FRMD4A: variants seen among roughly 807,000 people sequenced by gnomAD.
FRMD4A encodes the protein FERM domain containing 4A, also known as FERM domain-containing protein 4A.
In FRMD4A, 29 loss-of-function variants were observed where a neutral mutation model predicts 129.1. The ratio of observed to expected loss-of-function variants is 0.22; its 90% CI spans 0.17 to 0.31. The LOEUF is 0.31. Among genes scored for constraint, FRMD4A ranks in the 10% least tolerant of loss-of-function variants. The pLI, the probability that FRMD4A is intolerant of heterozygous loss-of-function variation, is 1.00. For synonymous variants in FRMD4A, 634 were observed against 571.6 expected (o/e 1.11, Z -1.56); for missense variants, 1,272 against 1,375.8 (o/e 0.92, Z 1.19).
At position 14,016,946 on chromosome 10, in the gene FRMD4A, G is replaced by A. The variant is rs7922430; in HGVS notation, c.46-158034C>T. Among the ~76,000 whole-genome samples, 44 of 152,326 alleles carry A rather than the reference G, an allele frequency of 2.9e-4. 1 individual carries two copies. The highest frequency in any genetic ancestry group is 1.3e-3 in the Admixed American group (20 of 15,306). On this transcript the variant is annotated intron_variant, in intron 2 of 24. Transcript: ENST00000357447. Reference sequence around the variant, plus strand: ...AGCATCCTTGCAGGCTGTTCAGCTCGTCATCCACAGACAGAGATCTTGCTC... The same window carrying A: ...AGCATCCTTGCAGGCTGTTCAGCTCATCATCCACAGACAGAGATCTTGCTC...
intron 15 of FRMD4A, 91 bp from the exon 16 acceptor site, chr10:13,675,135 A>G (rs753311140): frequency 8.3e-7 from 1 of 1,205,420 alleles, no homozygotes; most frequent in Non-Finnish European, 1.2e-6. Flanking sequence ...TGCTGCGGAG[A>G]TGGGATTTAC....
chr10:14,096,942 C>G (rs971621214), intron 2 of FRMD4A: 1 of 152,014 alleles, frequency 6.6e-6, no homozygotes, highest in Non-Finnish European at 1.5e-5. Flanking sequence ...CAAGACCAGC[C>G]TAGCCAACAT....
chr10:13,808,138 T>C (rs1281870156), intron 4 of FRMD4A, among the ~76,000 whole-genome samples: 1 of 152,240 alleles, frequency 6.6e-6, no homozygotes, highest in Non-Finnish European at 1.5e-5. Flanking sequence ...ATCATGCTGC[T>C]GGTAAGAGTA....
chr10:14,055,821 T>C (rs1204530939), intron 2 of FRMD4A, among the ~76,000 whole-genome samples: 4 of 152,268 alleles, frequency 2.6e-5, no homozygotes, highest in Non-Finnish European at 4.4e-5. Flanking sequence ...CATTTATCTT[T>C]AGTGTTATAA....
intron 3 of FRMD4A, among the ~76,000 whole-genome samples, chr10:13,846,330 A>G (rs1035185702): frequency 5.3e-5 from 8 of 152,198 alleles, no homozygotes; most frequent in Non-Finnish European, 1.2e-4. Flanking sequence ...GTGTTTGCTT[A>G]TTAGCATAAA....
At chr10:14,171,029 T>C (rs1841449953) in intron 2 of FRMD4A, among the ~76,000 whole-genome samples, 1 of 4,832 alleles carries the variant, frequency 2.1e-4, no homozygotes, top group Non-Finnish European at 3.4e-4. Flanking sequence ...TTTTTTTGTT[T>C]ATTTGTTTGT....
intron 4 of FRMD4A, among the ~76,000 whole-genome samples, chr10:13,800,508 C>A (rs1044360096): frequency 7.9e-5 from 12 of 152,220 alleles, no homozygotes; most frequent in African/African-American, 2.9e-4. Flanking sequence ...CTCTGGCCAC[C>A]AGCTCAAAGA....
In FRMD4A at chr10:13,706,400, C is replaced by T. The variant is rs999572439; in HGVS notation, c.836+637G>A. On this transcript the variant is annotated intron_variant, in intron 13 of 24. Coordinates refer to ENST00000357447, the MANE Select transcript of FRMD4A (RefSeq NM_018027.5). The stretch of plus-strand genomic sequence containing the variant: ...CTCCCTGCATTCCAACCTGGGGCCC[C>T]ACTGTCTTGCATCTGACTTAAGAGT... 3.9e-5 allele frequency among the ~76,000 whole-genome samples: 6 copies of T among 152,172 alleles called. No homozygotes were observed. The East Asian group carries it at 7.7e-4, about 20-fold the overall frequency.
chr10:13,737,388 C>A (rs77666569), intron 12 of FRMD4A, among the ~76,000 whole-genome samples: 7,676 of 152,308 alleles, frequency 0.05, 311 homozygotes, highest in South Asian at 0.11. Context: ...GCGTGCCCAG[C>A]CTTTCAGCTC....
At chr10:14,311,315 A>T (rs1846539494) in intron 2 of FRMD4A, among the ~76,000 whole-genome samples, 1 of 152,162 alleles carries the variant, frequency 6.6e-6, no homozygotes, top group Non-Finnish European at 1.5e-5. Flanking sequence ...TGTAGAACTG[A>T]CCAATTTAGA....
chr10:13,780,066 C>T (rs2092697465), intron 6 of FRMD4A, among the ~76,000 whole-genome samples: 1 of 152,150 alleles, frequency 6.6e-6, no homozygotes, highest in Non-Finnish European at 1.5e-5. Flanking sequence ...TGGCTCACAC[C>T]TGTAATCCCA....
intron 3 of FRMD4A, among the ~76,000 whole-genome samples, chr10:13,819,621 T>A (rs1024161762): frequency 6.6e-6 from 1 of 152,128 alleles, no homozygotes; most frequent in African/African-American, 2.4e-5. Flanking sequence ...CTGTGAGTAT[T>A]ACCTTTCATC....
At chr10:13,989,387 C>T (rs959038969) in intron 2 of FRMD4A, among the ~76,000 whole-genome samples, 3 of 152,106 alleles carry the variant, frequency 2.0e-5, no homozygotes, top group African/African-American at 4.8e-5. Flanking sequence ...GACGGCGCCT[C>T]GCTCTGTCGC....
intron 2 of FRMD4A, among the ~76,000 whole-genome samples, chr10:14,231,400 T>C (rs75217753): frequency 6.6e-6 from 1 of 151,540 alleles, no homozygotes; most frequent in Non-Finnish European, 1.5e-5. Context: ...TGGAGTGCAG[T>C]GGCATGACCT....
At chr10:14,195,197 A>G (rs990420061) in intron 2 of FRMD4A, among the ~76,000 whole-genome samples, 1 of 152,178 alleles carries the variant, frequency 6.6e-6, no homozygotes, top group Admixed American at 6.5e-5. Context: ...TAGATGTCCT[A>G]ATTCTTATTT....
intron 15 of FRMD4A, among the ~76,000 whole-genome samples, chr10:13,675,338 T>C (rs1042979984): frequency 2.0e-5 from 3 of 152,210 alleles, no homozygotes; most frequent in Non-Finnish European, 4.4e-5. Flanking sequence ...TACTAGCAAA[T>C]TCTAATAGAC....
At chr10:14,230,859 C>T (rs754273100) in intron 2 of FRMD4A, among the ~76,000 whole-genome samples, 1 of 152,134 alleles carries the variant, frequency 6.6e-6, no homozygotes, top group African/African-American at 2.4e-5. Context: ...GTTTGACTTC[C>T]CTTTATAAGT....
chr10:13,660,412 T>C lies in FRMD4A; in HGVS notation c.1802A>G (p.Tyr601Cys). Reference sequence around the variant, plus strand: ...TTTGGGCTTGATGGGTGACTTGTCATAGTCGTTGCGGTGATAGTGCATCTG... The same window carrying C: ...TTTGGGCTTGATGGGTGACTTGTCACAGTCGTTGCGGTGATAGTGCATCTG... ...LRQMHYHRND[Y>C]DKSPIKPKMW... The change falls in exon 20 of 25, where the codon TAT becomes TGT. Residue 601 changes from tyrosine to cysteine, a missense_variant. Transcript: ENST00000357447. 3.7e-6 allele frequency: 6 copies of C among 1,614,124 alleles called. No homozygotes were observed. The highest frequency in any genetic ancestry group is 1.6e-4 in the Middle Eastern group (1 of 6,062).
intron 17 of FRMD4A, among the ~76,000 whole-genome samples, chr10:13,669,366 G>C (rs747595658): frequency 7.9e-5 from 12 of 152,126 alleles, no homozygotes; most frequent in Non-Finnish European, 1.3e-4. Context: ...CACCACGCCC[G>C]GCCACATGAG....
Sources: allele counts gnomAD v4.1 joint callset (sites outside exome capture counted in the v4.1 genomes callset), GRCh38; gene constraint gnomAD v4.1.1; transcripts MANE v1.5; gene names NCBI Gene and HGNC (gene_info 2026-07-23, HGNC 2026-07-21).